Variants in SMYD3 observed in about 807,000 individuals in gnomAD.
The protein encoded by SMYD3 is SET and MYND domain containing 3, also known as histone-lysine N-methyltransferase SMYD3.
A neutral mutation model predicts 57.7 loss-of-function variants in SMYD3; 36 were observed. The observed-to-expected ratio is 0.62, with a 90% confidence interval of 0.48 to 0.82. The LOEUF (loss-of-function observed/expected upper bound fraction) is 0.82. SMYD3 is among the 40% of genes least tolerant of loss of function. The pLI is 0.00. For synonymous variants in SMYD3, 211 were observed against 195.0 expected (o/e 1.08, Z -0.68); for missense variants, 515 against 538.8 (o/e 0.96, Z 0.44).
rs756288267 is a variant in SMYD3, at chr1:246,386,135, G to A, written c.165-31041C>T. ...GATCTCCTGACCTCGTGATCCATCC[G>A]CCTCAACCTTCCAAAGTACTGAGAT... On this transcript the variant is annotated intron_variant, in intron 1 of 11. Transcript: ENST00000490107. 5.3e-5 allele frequency among the ~76,000 whole-genome samples: 8 copies of A among 152,136 alleles called. No homozygotes were observed. In the South Asian group the frequency reaches 6.2e-4, roughly 12 times the overall value.
chr1:245,908,876 G>A (rs1173797961), intron 8 of SMYD3, among the ~76,000 whole-genome samples: 1 of 152,058 alleles, frequency 6.6e-6, no homozygotes, highest in East Asian at 1.9e-4. Context: ...AAGATTTCAA[G>A]TTAAAAAGTC....
At chr1:246,362,633 G>C (rs1338970853) in intron 1 of SMYD3, among the ~76,000 whole-genome samples, 3 of 152,262 alleles carry the variant, frequency 2.0e-5, no homozygotes, top group African/African-American at 7.2e-5. Flanking sequence ...ACTGGTTTTC[G>C]TATTTTTTTG....
At chr1:246,503,469 C>T (rs1175839232) in intron 1 of SMYD3, among the ~76,000 whole-genome samples, 2 of 152,134 alleles carry the variant, frequency 1.3e-5, no homozygotes, top group Non-Finnish European at 2.9e-5. Flanking sequence ...ATGTGGTAGG[C>T]CCTGGGGATA....
intron 5 of SMYD3, among the ~76,000 whole-genome samples, chr1:246,054,315 TG>T (rs1168954396): frequency 6.6e-6 from 1 of 152,152 alleles, no homozygotes; most frequent in Non-Finnish European, 1.5e-5. Context: ...CATATACTAC[TG>T]GGGGGAACAC....
At chr1:246,195,884 A>C (rs757011897) in intron 5 of SMYD3, among the ~76,000 whole-genome samples, 1 of 152,190 alleles carries the variant, frequency 6.6e-6, no homozygotes, top group South Asian at 2.1e-4. Context: ...GCCTTTGTCA[A>C]TACCAGCTGT....
At chr1:245,962,099 G>C (rs1336173528) in intron 5 of SMYD3, among the ~76,000 whole-genome samples, 1 of 152,110 alleles carries the variant, frequency 6.6e-6, no homozygotes, top group Non-Finnish European at 1.5e-5. Context: ...TGAGCCAGCA[G>C]CTGTATTTCA....
chr1:245,957,049 A>G (rs572987184), intron 5 of SMYD3, among the ~76,000 whole-genome samples: 1 of 152,356 alleles, frequency 6.6e-6, no homozygotes, highest in South Asian at 2.1e-4. Context: ...ATGCAATGTA[A>G]GACAAATTAT....
At chr1:246,464,602 T>A (rs2067855606) in intron 1 of SMYD3, among the ~76,000 whole-genome samples, 1 of 152,196 alleles carries the variant, frequency 6.6e-6, no homozygotes, top group Admixed American at 6.5e-5. Flanking sequence ...AGGACCCATG[T>A]GAAGGGTTTA....
intron 11 of SMYD3, among the ~76,000 whole-genome samples, chr1:245,760,836 G>C (rs2045814458): frequency 6.6e-6 from 1 of 152,166 alleles, no homozygotes; most frequent in Non-Finnish European, 1.5e-5. Context: ...TAGTGGGAGA[G>C]TGATCAGAAC....
chr1:246,488,749 T>C (rs2068225879), intron 1 of SMYD3, among the ~76,000 whole-genome samples: 1 of 152,162 alleles, frequency 6.6e-6, no homozygotes, highest in African/African-American at 2.4e-5. Context: ...CAAATATTCA[T>C]ATAAAACTAC....
chr1:245,950,652 G>T (rs1303900937), intron 5 of SMYD3, among the ~76,000 whole-genome samples: 1 of 152,172 alleles, frequency 6.6e-6, no homozygotes, highest in Non-Finnish European at 1.5e-5. Flanking sequence ...GCTATCATAT[G>T]TCACTCAAAA....
intron 5 of SMYD3, among the ~76,000 whole-genome samples, chr1:245,938,708 A>G (rs1158116430): frequency 6.6e-6 from 1 of 152,132 alleles, no homozygotes; most frequent in Non-Finnish European, 1.5e-5. Context: ...CAATGCAAGG[A>G]TATCATTTGA....
intron 5 of SMYD3, among the ~76,000 whole-genome samples, chr1:246,277,188 C>A (rs1359031725): frequency 1.3e-5 from 2 of 151,674 alleles, no homozygotes; most frequent in East Asian, 1.9e-4. Flanking sequence ...GCTTAGGCAA[C>A]CTTGTTTCAA....
At chr1:246,093,765 T>G (rs969785895) in intron 5 of SMYD3, among the ~76,000 whole-genome samples, 2 of 152,244 alleles carry the variant, frequency 1.3e-5, no homozygotes, top group Non-Finnish European at 2.9e-5. Flanking sequence ...AGTTTATTTT[T>G]TTTTAATTCC....
chr1:246,008,521 G>A (rs896692241), intron 5 of SMYD3, among the ~76,000 whole-genome samples: 2 of 152,166 alleles, frequency 1.3e-5, no homozygotes, highest in African/African-American at 4.8e-5. Flanking sequence ...ATCCTGGAGG[G>A]CATAAGAGCT....
At chr1:246,499,708 G>A (rs533857233) in intron 1 of SMYD3, among the ~76,000 whole-genome samples, 11 of 152,100 alleles carry the variant, frequency 7.2e-5, no homozygotes, top group South Asian at 2.1e-4. Context: ...TGCCCACCTC[G>A]GCCTCCCAAA....
At chr1:245,935,212 A>G (rs1488467047) in intron 5 of SMYD3, among the ~76,000 whole-genome samples, 1 of 152,252 alleles carries the variant, frequency 6.6e-6, no homozygotes, top group East Asian at 1.9e-4. Context: ...CAATATCAAG[A>G]AAACAAACAA....
At chr1:246,466,910 G>A (rs890576538) in intron 1 of SMYD3, among the ~76,000 whole-genome samples, 3 of 152,096 alleles carry the variant, frequency 2.0e-5, no homozygotes, top group Non-Finnish European at 2.9e-5. Context: ...GCTCACGCCT[G>A]TAATCCCAGC....
intron 10 of SMYD3, among the ~76,000 whole-genome samples, chr1:245,822,862 C>T (rs2049253730): frequency 6.6e-6 from 1 of 152,194 alleles, no homozygotes; most frequent in East Asian, 1.9e-4. Flanking sequence ...CTAGGAAAGA[C>T]TCTCTTCAAA....
Sources: allele counts gnomAD v4.1 joint callset (sites outside exome capture counted in the v4.1 genomes callset), GRCh38; gene constraint gnomAD v4.1.1; transcripts MANE v1.5; gene names NCBI Gene and HGNC (gene_info 2026-07-23, HGNC 2026-07-21).